The following EPHA7 variants were observed in gnomAD, a reference collection of about 807,000 sequenced individuals.
The protein encoded by EPHA7 is ephrin type-A receptor 7.
EPHA7 carries 25 observed loss-of-function variants against 112.6 expected under a neutral mutation model. That is an observed-to-expected ratio of 0.22 (90% CI 0.16 to 0.31). The LOEUF is 0.31. Ranked by LOEUF, EPHA7 falls within the 10% of genes least tolerant of loss-of-function variation. The probability of loss-of-function intolerance (pLI) is 1.00; values close to 1 mark genes in which losing one functional copy is unlikely to be tolerated. For missense variants in EPHA7, 962 were observed against 1,212.6 expected, an observed-to-expected ratio of 0.79 and a Z score of 3.07; for synonymous variants, 437 against 406.5, an observed-to-expected ratio of 1.07 and a Z score of -0.90.
intron 5 of EPHA7, 97 bp downstream of exon 5, chr6:93,356,620 C>G (rs967055133): frequency 8.8e-7 from 1 of 1,142,794 alleles, no homozygotes; most frequent in Non-Finnish European, 1.3e-6. Flanking sequence ...CTGGAAGAAT[C>G]AAGCTCTGTG....
intron 14 of EPHA7, among the ~76,000 whole-genome samples, chr6:93,247,279 G>A (rs1769996480): frequency 6.6e-6 from 1 of 152,052 alleles, no homozygotes; most frequent in African/African-American, 2.4e-5. Flanking sequence ...CTTTCAAAAG[G>A]GAACATGTTA....
intron 9 of EPHA7, chr6:93,260,497 T>C (rs1770638529): frequency 1.2e-5 from 11 of 945,656 alleles, no homozygotes; most frequent in Non-Finnish European, 1.4e-5. Flanking sequence ...AACTTTATTG[T>C]TTTAACAAAG....
chr6:93,268,637 T>G (rs1198149664), intron 7 of EPHA7, among the ~76,000 whole-genome samples: 3 of 151,636 alleles, frequency 2.0e-5, no homozygotes, highest in Non-Finnish European at 4.4e-5. Flanking sequence ...AAACATGTAC[T>G]GAGACATCAG....
intron 14 of EPHA7, among the ~76,000 whole-genome samples, chr6:93,253,101 G>C (rs927867744): frequency 6.6e-6 from 1 of 151,930 alleles, no homozygotes; most frequent in Non-Finnish European, 1.5e-5. Context: ...GAAGGAAGGT[G>C]TCAAAAGAAA....
At chr6:93,281,111 T>G (rs1458117776) in intron 5 of EPHA7, among the ~76,000 whole-genome samples, 4 of 152,130 alleles carry the variant, frequency 2.6e-5, no homozygotes, top group Non-Finnish European at 5.9e-5. Flanking sequence ...TTTCAGTAAA[T>G]AATCCATTTG....
intron 3 of EPHA7, among the ~76,000 whole-genome samples, chr6:93,384,575 A>G (rs1777506128): frequency 6.6e-6 from 1 of 152,114 alleles, no homozygotes. Flanking sequence ...CTGATCATCA[A>G]ATAAGAGCTG....
chr6:93,304,027 C>G (rs748071206), intron 5 of EPHA7, among the ~76,000 whole-genome samples: 4 of 151,976 alleles, frequency 2.6e-5, no homozygotes, highest in Non-Finnish European at 5.9e-5. Context: ...TTAAAGACAG[C>G]CTTCACTGCA....
intron 3 of EPHA7, among the ~76,000 whole-genome samples, chr6:93,371,356 G>C (rs1402936250): frequency 6.6e-6 from 1 of 152,138 alleles, no homozygotes; most frequent in East Asian, 1.9e-4. Flanking sequence ...CACTGTATTA[G>C]ATATTGTAAG....
At chr6:93,366,544 T>C (rs546885523) in intron 3 of EPHA7, among the ~76,000 whole-genome samples, 7 of 152,118 alleles carry the variant, frequency 4.6e-5, no homozygotes, top group Non-Finnish European at 1.0e-4. Flanking sequence ...CCTACAAATA[T>C]ACCATATAGA....
intron 10 of EPHA7, 93 bp from the exon 11 acceptor site, chr6:93,258,377 T>C (rs1377345351): frequency 8.0e-7 from 1 of 1,251,748 alleles, no homozygotes; most frequent in African/African-American, 1.5e-5. Context: ...TCTTTAACTT[T>C]TAGTAAATTA....
chr6:93,332,655 G>C (rs2127905309), intron 5 of EPHA7, among the ~76,000 whole-genome samples: 1 of 151,648 alleles, frequency 6.6e-6, no homozygotes, highest in Middle Eastern at 3.4e-3. Context: ...GAAGACAAAA[G>C]CAAGAGCTAT....
intron 5 of EPHA7, among the ~76,000 whole-genome samples, chr6:93,275,952 T>C (rs915140013): frequency 2.0e-5 from 3 of 151,986 alleles, no homozygotes; most frequent in African/African-American, 7.2e-5. Flanking sequence ...AAGGTCTATG[T>C]ACTGCCTCCC....
rs989396770 is a variant in EPHA7, at chr6:93,260,479, C to T, written c.1799-1000G>A. The T allele has an allele frequency of 9.9e-6, 9 of 911,230 alleles. No homozygotes were observed. The African/African-American group carries it at 1.3e-4, about 13-fold the overall frequency. The allele number at this position is 911,230 out of a possible 1,614,324, so 56.4% of individuals were successfully genotyped here. ...AATGCAATAAAAATTACACTATATC[C>T]TCAAAAAAACTTTATTGTTTTAACA... On this transcript the variant is annotated intron_variant, in intron 9 of 16. Transcript: ENST00000369303.
chr6:93,367,682 C>T (rs1223830821), intron 3 of EPHA7, among the ~76,000 whole-genome samples: 1 of 151,972 alleles, frequency 6.6e-6, no homozygotes, highest in African/African-American at 2.4e-5. Context: ...GTGGTCTTTA[C>T]AAATTTGCTC....
At chr6:93,334,619 C>T (rs1189470869) in intron 5 of EPHA7, among the ~76,000 whole-genome samples, 2 of 151,960 alleles carry the variant, frequency 1.3e-5, no homozygotes, top group African/African-American at 4.8e-5. Context: ...AGAGAACAAA[C>T]TTAATATATA....
chr6:93,381,522 C>T (rs1777333296), intron 3 of EPHA7, among the ~76,000 whole-genome samples: 1 of 152,070 alleles, frequency 6.6e-6, no homozygotes, highest in South Asian at 2.1e-4. Context: ...TAAGCTGCTA[C>T]TTTTGGCATC....
intron 5 of EPHA7, among the ~76,000 whole-genome samples, chr6:93,331,048 A>G (rs1389446288): frequency 6.6e-6 from 1 of 151,488 alleles, no homozygotes; most frequent in Non-Finnish European, 1.5e-5. Flanking sequence ...GAGTGGGCAT[A>G]TATGTCAAAC....
intron 14 of EPHA7, among the ~76,000 whole-genome samples, chr6:93,251,889 TG>T (rs1770233061): frequency 6.6e-6 from 1 of 152,040 alleles, no homozygotes; most frequent in Non-Finnish European, 1.5e-5. Context: ...CTCAACCTCT[TG>T]GTTTTAATTG....
chr6:93,404,012 G>A (rs1289957822), intron 3 of EPHA7, among the ~76,000 whole-genome samples: 1 of 152,148 alleles, frequency 6.6e-6, no homozygotes, highest in African/African-American at 2.4e-5. Context: ...AAGGCAGAGT[G>A]AGAGAACAGT....
Sources: allele counts gnomAD v4.1 joint callset (sites outside exome capture counted in the v4.1 genomes callset), GRCh38; gene constraint gnomAD v4.1.1; transcripts MANE v1.5; gene names NCBI Gene and HGNC (gene_info 2026-07-23, HGNC 2026-07-21).